The following NCOA7 variants were observed in gnomAD, a reference collection of about 807,000 sequenced individuals.
The protein encoded by NCOA7 is nuclear receptor coactivator 7.
In NCOA7, 45 loss-of-function variants were observed where a neutral mutation model predicts 104.3. The ratio of observed to expected loss-of-function variants is 0.43; its 90% CI spans 0.34 to 0.55. The LOEUF is 0.55. Among genes scored for constraint, NCOA7 ranks in the 20% least tolerant of loss-of-function variants. The probability of loss-of-function intolerance (pLI) is 0.02; values close to 1 mark genes in which losing one functional copy is unlikely to be tolerated. For missense variants in NCOA7, 1,041 were observed against 1,119.7 expected, an observed-to-expected ratio of 0.93 and a Z score of 1.00; for synonymous variants, 398 against 402.3, an observed-to-expected ratio of 0.99 and a Z score of 0.13.
chr6:125,790,570 T>C (rs909898482), upstream of NCOA7, among the ~76,000 whole-genome samples: 5 of 151,810 alleles, frequency 3.3e-5, 1 homozygote, highest in Admixed American at 3.3e-4. Flanking sequence ...AGCTCGGAGG[T>C]CGCGGGGGGC....
chr6:125,878,675 C>T (rs1465276810), intron 5 of NCOA7, among the ~76,000 whole-genome samples: 2 of 151,884 alleles, frequency 1.3e-5, no homozygotes, highest in Non-Finnish European at 2.9e-5. Context: ...GCACCCAGCT[C>T]AACTTTACGA....
intron 2 of NCOA7, among the ~76,000 whole-genome samples, chr6:125,833,150 A>G (rs1157160948): frequency 6.6e-6 from 1 of 152,230 alleles, no homozygotes; most frequent in Non-Finnish European, 1.5e-5. Flanking sequence ...GAAGTCATAA[A>G]TTGTAAGTGA....
chr6:125,918,420 G>A (rs935500216), intron 11 of NCOA7, among the ~76,000 whole-genome samples: 4 of 152,146 alleles, frequency 2.6e-5, no homozygotes, highest in Non-Finnish European at 4.4e-5. Flanking sequence ...TCTGCTGGCC[G>A]TGGACTGGTC....
chr6:125,824,562 C>G (rs1036102520), intron 2 of NCOA7, among the ~76,000 whole-genome samples: 1 of 152,036 alleles, frequency 6.6e-6, no homozygotes, highest in Non-Finnish European at 1.5e-5. Context: ...ATGGTGAATA[C>G]AGGAATAAAT....
rs1291082188 is a variant in NCOA7 at position 125,863,014 on chromosome 6, CAAAA to C, written c.271+7777_271+7780del. On this transcript the variant is annotated intron_variant, in intron 3 of 15. Transcript: ENST00000392477. ...CGTCTCAAAAAAACAAAAAAACAAA[CAAAA>C]AACCCTACTTTACTTAAAAACTAAA... Among the ~76,000 whole-genome samples the C allele has an allele frequency of 1.3e-4, 18 of 138,662 alleles. 5 individuals are homozygous for C. The highest frequency in any genetic ancestry group is 4.8e-4 in the African/African-American group (16 of 33,522). The allele number at this position is 138,662 out of a possible 152,430, so 91.0% of individuals were successfully genotyped here. A position where few individuals can be genotyped will look rare whatever the true frequency, so the allele number is the denominator to read the frequency against.
At chr6:125,839,323 G>T (rs1351239902) in intron 2 of NCOA7, among the ~76,000 whole-genome samples, 1 of 152,100 alleles carries the variant, frequency 6.6e-6, no homozygotes, top group Non-Finnish European at 1.5e-5. Flanking sequence ...TCACCATTTT[G>T]GCTAGGCTGG....
intron 6 of NCOA7, among the ~76,000 whole-genome samples, chr6:125,881,724 G>T (rs1783850694): frequency 6.9e-6 from 1 of 144,538 alleles, no homozygotes; most frequent in African/African-American, 2.6e-5. Flanking sequence ...AAAGTATGAA[G>T]TTAAATTTCC....
At chr6:125,901,742 C>G (rs1785523722) in intron 10 of NCOA7, among the ~76,000 whole-genome samples, 1 of 152,186 alleles carries the variant, frequency 6.6e-6, no homozygotes, top group Non-Finnish European at 1.5e-5. Context: ...ACCCTGCCCT[C>G]TTGGTACCCG....
At chr6:125,874,392 G>C (rs550763789) in intron 3 of NCOA7, among the ~76,000 whole-genome samples, 1 of 152,074 alleles carries the variant, frequency 6.6e-6, no homozygotes, top group South Asian at 2.1e-4. Flanking sequence ...TATTCTTTTT[G>C]TTTTCATTGT....
At chr6:125,813,615 T>A (rs1425365158) in intron 1 of NCOA7, among the ~76,000 whole-genome samples, 1 of 151,856 alleles carries the variant, frequency 6.6e-6, no homozygotes, top group Non-Finnish European at 1.5e-5. Context: ...CACGCCCGGC[T>A]AATTTTTGTA....
chr6:125,846,617 T>A (rs1451135397), intron 2 of NCOA7, among the ~76,000 whole-genome samples: 1 of 152,192 alleles, frequency 6.6e-6, no homozygotes, highest in Non-Finnish European at 1.5e-5. Flanking sequence ...CCACTAAATT[T>A]TCAGGCCCCC....
chr6:125,813,742 G>A (rs147800827), intron 1 of NCOA7, among the ~76,000 whole-genome samples: 2 of 152,088 alleles, frequency 1.3e-5, no homozygotes, highest in Admixed American at 6.5e-5. Context: ...GAGCCCCTGC[G>A]CCTGGCCGGA....
intron 4 of NCOA7, among the ~76,000 whole-genome samples, chr6:125,877,593 C>T (rs1317008714): frequency 6.6e-6 from 1 of 152,072 alleles, no homozygotes; most frequent in East Asian, 1.9e-4. Flanking sequence ...CCTGTTCCTC[C>T]TCAGAAGGAA....
intron 11 of NCOA7, among the ~76,000 whole-genome samples, chr6:125,920,060 GA>G (rs1787437320): frequency 6.6e-6 from 1 of 152,162 alleles, no homozygotes; most frequent in Non-Finnish European, 1.5e-5. Flanking sequence ...CATAATTTAA[GA>G]AGGGCCAAAA....
chr6:125,814,344 T>A (rs1777379645), intron 1 of NCOA7, among the ~76,000 whole-genome samples: 1 of 152,160 alleles, frequency 6.6e-6, no homozygotes, highest in African/African-American at 2.4e-5. Context: ...TTGGTAGAGA[T>A]GTGGTTTCAC....
intron 3 of NCOA7, among the ~76,000 whole-genome samples, chr6:125,870,528 T>C (rs1782802751): frequency 6.6e-6 from 1 of 152,176 alleles, no homozygotes; most frequent in African/African-American, 2.4e-5. Flanking sequence ...CTTCCTTAGT[T>C]TCTGTTCTCA....
chr6:125,921,208 G>A lies in NCOA7; in HGVS notation c.2370+140G>A. The A allele has an allele frequency of 2.6e-6, 3 of 1,158,504 alleles. No homozygotes were observed. The South Asian group carries it at 4.7e-5, about 18-fold the overall frequency. The allele number at this position is 1,158,504 out of a possible 1,614,324, so 71.8% of individuals were successfully genotyped here. A position where few individuals can be genotyped will look rare whatever the true frequency, so the allele number is the denominator to read the frequency against. On this transcript the variant is annotated intron_variant, in intron 12 of 15. Transcript: ENST00000392477. ...GCGGATCACTTGAGGTCAGGAGTTT[G>A]AGACCAGACTGGACAACATGGCAAA... is the stretch of plus-strand genomic sequence containing the variant.
rs893238977 is a variant in NCOA7, at chr6:125,876,627, C to T, written c.352-1636C>T. Among the ~76,000 whole-genome samples, 9 of 151,072 alleles carry T rather than the reference C, an allele frequency of 6.0e-5. No homozygotes were observed. The East Asian group carries it at 7.7e-4, about 13-fold the overall frequency. On this transcript the variant is annotated intron_variant, in intron 4 of 15. Transcript: ENST00000392477. Reference sequence around the variant, plus strand: ...AAAAAAAAAAAAAAAAATCAAACTCCGAATTAATTAAATATTAACAAGTGA... The same window carrying T: ...AAAAAAAAAAAAAAAAATCAAACTCTGAATTAATTAAATATTAACAAGTGA...
At chr6:125,853,842 G>A (rs750063411) in intron 2 of NCOA7, among the ~76,000 whole-genome samples, 4 of 152,182 alleles carry the variant, frequency 2.6e-5, no homozygotes, top group Non-Finnish European at 5.9e-5. Context: ...GGTTCAAGGC[G>A]TGAAATTCCT....
Sources: gnomAD v4.1 joint callset for allele counts (sites outside exome capture counted in the v4.1 genomes callset) on GRCh38, gnomAD v4.1.1 for gene constraint, MANE v1.5 for transcripts, NCBI Gene and HGNC (gene_info 2026-07-23, HGNC 2026-07-21) for gene names.